The following TM2D2 variants were observed in gnomAD, a reference collection of about 807,000 sequenced individuals.
TM2D2 encodes the protein TM2 domain-containing protein 2.
TM2D2 carries 19 observed loss-of-function variants against 23.0 expected under a neutral mutation model. The observed-to-expected ratio is 0.82, with a 90% confidence interval of 0.58 to 1.21. The LOEUF (loss-of-function observed/expected upper bound fraction) is 1.21, where lower values mean the gene tolerates loss of function less well. TM2D2 is among the 50% of genes most tolerant of loss of function. The pLI is 0.00. For synonymous variants in TM2D2, 120 were observed against 108.8 expected, an observed-to-expected ratio of 1.10 and a Z score of -0.64; for missense variants, 246 against 265.4, an observed-to-expected ratio of 0.93 and a Z score of 0.51.
At chr8:38,996,666 C>T (rs1835814162), upstream of TM2D2, 3 of 1,427,976 alleles carry the variant, frequency 2.1e-6, no homozygotes, top group Non-Finnish European at 2.7e-6. Context: ...TTCTCGATTC[C>T]TCTTCTGGGT....
intron 1 of TM2D2, 161 bp from the exon 2 acceptor site, chr8:38,995,566 C>A: frequency 6.7e-7 from 1 of 1,493,214 alleles, no homozygotes; most frequent in Non-Finnish European, 8.9e-7. Flanking sequence ...AACTGAAGCA[C>A]AGCAGGTCAA....
chr8:38,996,757 C>T, upstream of TM2D2: 7 of 1,418,680 alleles, frequency 4.9e-6, no homozygotes, highest in Non-Finnish European at 4.6e-6. Context: ...GCCCGGCAGC[C>T]GACGGGGCGG....
intron 3 of TM2D2, among the ~76,000 whole-genome samples, chr8:38,992,641 T>C (rs1419190159): frequency 1.3e-5 from 2 of 152,180 alleles, no homozygotes; most frequent in Non-Finnish European, 2.9e-5. Context: ...CAGAGTTGGA[T>C]TGGACAAGAA....
Position 38,996,424 on chromosome 8 carries a change from A to C in TM2D2, c.16T>G (p.Cys6Gly), listed in dbSNP as rs768160135. The C allele has an allele frequency of 3.0e-5, 49 of 1,614,038 alleles. 1 individual carries two copies. In the South Asian group the frequency reaches 5.2e-4, roughly 17 times the overall value. ...CACAGAAGTAAGTAACTAACCGGGCAACCACCTAGCACCATCTTCCCGGGC... is the reference window on the plus strand; with the variant it reads ...CACAGAAGTAAGTAACTAACCGGGCCACCACCTAGCACCATCTTCCCGGGC... MVLGG[C>G]PVSYLLLCGQ... is the part of the protein sequence containing the mutation. The change falls in exon 1 of 4, where the codon TGC (cysteine) becomes GGC (glycine). Residue 6 changes from cysteine to glycine, a missense_variant. By Grantham distance (159) the Cys-to-Gly change is radical (BLOSUM62 -3). Coordinates refer to ENST00000456397, the MANE Select transcript of TM2D2 (RefSeq NM_078473.3).
Position 38,989,359 on chromosome 8 carries a change from T to C in TM2D2, c.*1973A>G, listed in dbSNP as rs1186045972. On this transcript the variant is annotated 3_prime_UTR_variant, in exon 4 of 4. Coordinates refer to ENST00000456397, the MANE Select transcript of TM2D2 (RefSeq NM_078473.3). ...CTCTGTTGCCCAGGCTGAAGTGCAG[T>C]GGCAGGATCTCGGCTCACTGCAATC... 1 of 152,304 alleles carries C rather than the reference T, an allele frequency of 6.6e-6. No homozygotes were observed. The highest frequency in any genetic ancestry group is 1.5e-5 in the Non-Finnish European group (1 of 68,096). 9.4% of individuals were successfully genotyped at this position (152,304 alleles called of 1,614,324 possible).
intron 3 of TM2D2, among the ~76,000 whole-genome samples, chr8:38,992,968 T>G (rs1835648434): frequency 2.0e-5 from 3 of 152,236 alleles, no homozygotes; most frequent in African/African-American, 7.2e-5. Flanking sequence ...TGTGCCTTCC[T>G]TTACCTTAAT....
At chr8:38,996,874 G>A (rs1835823159), upstream of TM2D2, 2 of 1,464,294 alleles carry the variant, frequency 1.4e-6, no homozygotes, top group Non-Finnish European at 1.8e-6. Context: ...GCAGCTAGGC[G>A]ATGTCGGGAG....
chr8:38,996,607 T>C (rs1393629236), upstream of TM2D2: 2 of 1,445,728 alleles, frequency 1.4e-6, no homozygotes, highest in Non-Finnish European at 9.1e-7. Context: ...GCCAACCAAC[T>C]AGAAAAGGTC....
Position 38,991,512 on chromosome 8 carries a change from G to C in TM2D2, c.465C>G (p.Leu155=). Residue 155 remains leucine, a synonymous_variant, in exon 4 of 4, where the codon CTC becomes CTG. Transcript: ENST00000456397. The part of the protein sequence containing the change: ...YTGHYFITTL[L]YSFFLGCFGV... ...CAAAACATCCCAGGAAGAAGGAGTA[G>C]AGTAAAGTGGTTATGAAGTAGTGTC... 6.2e-7 allele frequency: 1 copy of C among 1,614,072 alleles called. No individual in the cohort carries two copies. Among genetic ancestry groups the C allele is most frequent in the Non-Finnish European group, 8.5e-7 (1 of 1,179,908 alleles).
Position 38,996,198 on chromosome 8 carries a change from C to A in TM2D2, c.227+15G>T, listed in dbSNP as rs762510674. On this transcript the variant is annotated intron_variant, in intron 1 of 3. Coordinates refer to ENST00000456397, the MANE Select transcript of TM2D2 (RefSeq NM_078473.3). ...CACCCTCCACGTCCACCCGCCTCGACCACTGGTAGCTTACAGGTAAGAGCA... is the reference window on the plus strand; with the variant it reads ...CACCCTCCACGTCCACCCGCCTCGAACACTGGTAGCTTACAGGTAAGAGCA... The A allele has an allele frequency of 5.0e-6, 8 of 1,606,406 alleles. No individual in the cohort carries two copies. The highest frequency in any genetic ancestry group is 2.2e-5 in the South Asian group (2 of 90,856).
rs184898342 is a variant in TM2D2 at position 38,991,849 on chromosome 8, G to C, written c.432-304C>G. On this transcript the variant is annotated intron_variant, in intron 3 of 3. Coordinates refer to ENST00000456397, the MANE Select transcript of TM2D2 (RefSeq NM_078473.3). ...AGGTTTTTGGCCACTATCTTCATTGGGGTTTCTGCAGGAAAGGCAAGACAG... is the reference window on the plus strand; with the variant it reads ...AGGTTTTTGGCCACTATCTTCATTGCGGTTTCTGCAGGAAAGGCAAGACAG... Among the ~76,000 whole-genome samples, 13 of 152,236 alleles carry C rather than the reference G, an allele frequency of 8.5e-5. No individual in the cohort carries two copies. The East Asian group carries it at 2.5e-3, about 29-fold the overall frequency.
rs773786291 is a variant in TM2D2, at chr8:38,991,509, G to A, written c.468C>T (p.Tyr156=). 17 of 1,613,958 alleles carry A rather than the reference G, an allele frequency of 1.1e-5. 1 individual carries two copies. In the South Asian group the frequency reaches 1.6e-4, roughly 16 times the overall value. ...CACCAAAACATCCCAGGAAGAAGGA[G>A]TAGAGTAAAGTGGTTATGAAGTAGT... ...TGHYFITTLL[Y]SFFLGCFGVD... is the part of the protein sequence containing the mutation. Residue 156 remains tyrosine, a synonymous_variant, in exon 4 of 4, where the codon TAC becomes TAT. Coordinates refer to ENST00000456397, the MANE Select transcript of TM2D2 (RefSeq NM_078473.3).
upstream of TM2D2, chr8:38,996,839 G>A: frequency 1.4e-6 from 2 of 1,445,754 alleles, no homozygotes; most frequent in South Asian, 2.8e-5. Context: ...CTCGCGCCGG[G>A]GACTGGATTT....
At chr8:38,996,722 T>A (rs532403813), upstream of TM2D2, 7 of 1,419,446 alleles carry the variant, frequency 4.9e-6, no homozygotes, top group South Asian at 1.0e-4. Flanking sequence ...TCCAATCGGA[T>A]CCGTCGACCC....
rs1415813075 is a variant in TM2D2 at position 38,996,456 on chromosome 8, G to C, written c.-17C>G. The C allele has an allele frequency of 2.5e-6, 4 of 1,613,486 alleles. No homozygotes were observed. The highest frequency in any genetic ancestry group is 3.4e-6 in the Non-Finnish European group (4 of 1,179,776). On this transcript the variant is annotated 5_prime_UTR_variant, in exon 1 of 4. Transcript: ENST00000456397. ...TAGCACCATCTTCCCGGGCACAGGA[G>C]CGGAGACCCGGCCTCAACCACAACC...
At chr8:38,993,151 G>GC (rs1835653090) in intron 3 of TM2D2, among the ~76,000 whole-genome samples, 1 of 152,182 alleles carries the variant, frequency 6.6e-6, no homozygotes, top group Non-Finnish European at 1.5e-5. Context: ...CAGGCACTTA[G>GC]CAAGTTAGAG....
intron 1 of TM2D2, 49 bp from the exon 2 acceptor site, chr8:38,995,454 A>G: frequency 6.2e-7 from 1 of 1,600,912 alleles, no homozygotes; most frequent in Non-Finnish European, 8.5e-7. Context: ...GTCTTTGCAA[A>G]TCGCTGTTTG....
chr8:38,995,968 G>A (rs927942885), intron 1 of TM2D2, among the ~76,000 whole-genome samples: 5 of 152,172 alleles, frequency 3.3e-5, no homozygotes, highest in Admixed American at 1.3e-4. Context: ...TTCTTCCAGA[G>A]GCTATATGAT....
chr8:38,991,840 T>A (rs1835611180), intron 3 of TM2D2, among the ~76,000 whole-genome samples: 1 of 152,132 alleles, frequency 6.6e-6, no homozygotes, highest in African/African-American at 2.4e-5. Context: ...TTGGCCACTA[T>A]CTTCATTGGG....
Sources: allele counts gnomAD v4.1 joint callset (sites outside exome capture counted in the v4.1 genomes callset), GRCh38; gene constraint gnomAD v4.1.1; transcripts MANE v1.5; gene names NCBI Gene and HGNC (gene_info 2026-07-23, HGNC 2026-07-21).